The following SESTD1 variants were observed in gnomAD, a reference collection of about 807,000 sequenced individuals.
The protein encoded by SESTD1 is SEC14 domain and spectrin repeat-containing protein 1.
Under a neutral mutation model 101.7 loss-of-function variants are expected in SESTD1, and 43 were observed. The observed-to-expected ratio is 0.42, with a 90% CI of 0.33 to 0.55. The LOEUF is 0.55. Among genes scored for constraint, SESTD1 ranks in the 20% least tolerant of loss-of-function variants. The pLI is 0.07. For synonymous variants in SESTD1, 283 were observed against 286.8 expected (o/e 0.99, Z 0.13); for missense variants, 647 against 815.1 (o/e 0.79, Z 2.51).
chr2:179,117,207 T>A (rs768121696), intron 14 of SESTD1, among the ~76,000 whole-genome samples: 1 of 152,180 alleles, frequency 6.6e-6, no homozygotes, highest in Admixed American at 6.5e-5. Flanking sequence ...CTCTTGCAGA[T>A]GCAAGAGAGC....
At chr2:179,255,824 G>A (rs1357606739) in intron 1 of SESTD1, among the ~76,000 whole-genome samples, 1 of 152,200 alleles carries the variant, frequency 6.6e-6, no homozygotes. Context: ...TCAAAGGACA[G>A]GCTAACTCTC....
At chr2:179,184,468 T>C (rs189909361) in intron 2 of SESTD1, among the ~76,000 whole-genome samples, 3 of 152,224 alleles carry the variant, frequency 2.0e-5, no homozygotes, top group Non-Finnish European at 2.9e-5. Flanking sequence ...TTGTTTAATG[T>C]CAACAAATTA....
intron 5 of SESTD1, among the ~76,000 whole-genome samples, chr2:179,165,682 G>A (rs1332426305): frequency 6.6e-6 from 1 of 152,084 alleles, no homozygotes. Context: ...TCTTTTTGTT[G>A]GGGCATAGTT....
At chr2:179,220,354 A>C (rs950331065) in intron 1 of SESTD1, among the ~76,000 whole-genome samples, 3 of 152,232 alleles carry the variant, frequency 2.0e-5, no homozygotes, top group Non-Finnish European at 4.4e-5. Flanking sequence ...ATAAATCCTT[A>C]GTTTGACTGC....
intron 5 of SESTD1, among the ~76,000 whole-genome samples, chr2:179,154,297 G>A (rs1015463212): frequency 2.1e-5 from 3 of 142,190 alleles, no homozygotes; most frequent in African/African-American, 7.7e-5. Context: ...AAGGAAGGAA[G>A]AGAGGGAGGG....
chr2:179,128,415 T>A (rs1281335075), intron 10 of SESTD1, among the ~76,000 whole-genome samples: 1 of 152,116 alleles, frequency 6.6e-6, no homozygotes. Context: ...AAAAAAGTCA[T>A]CCAAATGTTT....
At position 179,205,353 on chromosome 2, in the gene SESTD1, T is replaced by C. The variant is rs1389807339; in HGVS notation, c.-25-13487A>G. 1.5e-5 allele frequency among the ~76,000 whole-genome samples: 2 copies of C among 134,896 alleles called. 1 individual carries two copies. The highest frequency in any genetic ancestry group is 1.4e-4 in the Admixed American group (2 of 13,834). 88.5% of individuals were successfully genotyped at this position (134,896 alleles called of 152,430 possible). A position where few individuals can be genotyped will look rare whatever the true frequency, so the allele number is the denominator to read the frequency against. The stretch of plus-strand genomic sequence containing the variant: ...ACGACAAGGCATAAGAAATGATAGA[T>C]GCAGGTGACTCATGGATAAAATCTA... On this transcript the variant is annotated intron_variant, in intron 1 of 17. Coordinates refer to ENST00000428443, the MANE Select transcript of SESTD1 (RefSeq NM_178123.5).
At chr2:179,143,482 G>T in intron 9 of SESTD1, 110 bp downstream of exon 9, 2 of 799,446 alleles carry the variant, frequency 2.5e-6, no homozygotes, top group South Asian at 2.0e-5. Flanking sequence ...AATCCAGTTT[G>T]ATGTGTTCTA....
chr2:179,157,574 T>C (rs1192031087), intron 5 of SESTD1, among the ~76,000 whole-genome samples: 1 of 152,166 alleles, frequency 6.6e-6, no homozygotes, highest in Non-Finnish European at 1.5e-5. Flanking sequence ...AATCACAGGA[T>C]GAGTTATTTC....
chr2:179,240,204 A>G (rs1025850165), intron 1 of SESTD1, among the ~76,000 whole-genome samples: 1 of 152,190 alleles, frequency 6.6e-6, no homozygotes, highest in Non-Finnish European at 1.5e-5. Flanking sequence ...AGGAGAGAAA[A>G]GCTAAGATTC....
At chr2:179,145,364 C>T (rs1397361854) in intron 8 of SESTD1, among the ~76,000 whole-genome samples, 1 of 152,118 alleles carries the variant, frequency 6.6e-6, no homozygotes, top group Non-Finnish European at 1.5e-5. Flanking sequence ...ATATAAGTTA[C>T]TTAACGTTTT....
At chr2:179,148,435 G>A (rs2045442196) in intron 7 of SESTD1, among the ~76,000 whole-genome samples, 1 of 152,154 alleles carries the variant, frequency 6.6e-6, no homozygotes, top group African/African-American at 2.4e-5. Flanking sequence ...TAAAGTTCAA[G>A]GGAAATCTGT....
intron 1 of SESTD1, among the ~76,000 whole-genome samples, chr2:179,209,933 G>A (rs1435988328): frequency 7.5e-6 from 1 of 133,594 alleles, no homozygotes; most frequent in Non-Finnish European, 1.6e-5. Flanking sequence ...TCTTTGAAGA[G>A]ATAAACAAAA....
intron 10 of SESTD1, among the ~76,000 whole-genome samples, chr2:179,125,503 C>T (rs1282578020): frequency 6.6e-6 from 1 of 152,174 alleles, no homozygotes; most frequent in Non-Finnish European, 1.5e-5. Context: ...CTAAAAACAA[C>T]TAGGTGGATA....
At chr2:179,146,891 C>G (rs886452378) in intron 7 of SESTD1, among the ~76,000 whole-genome samples, 1 of 143,590 alleles carries the variant, frequency 7.0e-6, no homozygotes, top group South Asian at 2.3e-4. Flanking sequence ...AATATTCTGT[C>G]TTATATTCCA....
chr2:179,219,046 C>T (rs1239894854), intron 1 of SESTD1, among the ~76,000 whole-genome samples: 1 of 97,776 alleles, frequency 1.0e-5, no homozygotes, highest in Non-Finnish European at 1.9e-5. Context: ...CATGTGCATG[C>T]TTTTCCTTCC....
chr2:179,117,466 T>C, intron 14 of SESTD1, 66 bp downstream of exon 14: 1 of 1,378,688 alleles, frequency 7.3e-7, no homozygotes, highest in South Asian at 1.4e-5. Context: ...ACACTTTTGT[T>C]TGTAGTTAGA....
rs144608540 is a variant in SESTD1 at position 179,260,152 on chromosome 2, C to T, written c.-26+4347G>A. Among the ~76,000 whole-genome samples the T allele has an allele frequency of 4.2e-3, 646 of 152,256 alleles. 2 individuals carry two copies. Among genetic ancestry groups the T allele is most frequent in the African/African-American group, 0.014 (597 of 41,532 alleles). On this transcript the variant is annotated intron_variant, in intron 1 of 17. Coordinates refer to ENST00000428443, the MANE Select transcript of SESTD1 (RefSeq NM_178123.5). The stretch of plus-strand genomic sequence containing the variant: ...ACATTTTTTTCATTTTTGTTAGATG[C>T]AACTACTGAGCCTTTTCATATATTA...
At chr2:179,222,700 G>C (rs1466755531) in intron 1 of SESTD1, among the ~76,000 whole-genome samples, 1 of 152,010 alleles carries the variant, frequency 6.6e-6, no homozygotes, top group Non-Finnish European at 1.5e-5. Context: ...AAATAATATA[G>C]AAATTAACAG....
Sources: allele counts gnomAD v4.1 joint callset (sites outside exome capture counted in the v4.1 genomes callset), GRCh38; gene constraint gnomAD v4.1.1; transcripts MANE v1.5; gene names NCBI Gene and HGNC (gene_info 2026-07-23, HGNC 2026-07-21).